The following NCAM2 variants were observed in gnomAD, a reference collection of about 807,000 sequenced individuals.
NCAM2 encodes the protein neural cell adhesion molecule 2, also known as N-CAM-2.
Under a neutral mutation model 98.1 loss-of-function variants are expected in NCAM2, and 30 were observed. The ratio of observed to expected loss-of-function variants is 0.31; its 90% confidence interval spans 0.23 to 0.41. NCAM2 has a LOEUF of 0.41. Among genes scored for constraint, NCAM2 ranks in the 10% least tolerant of loss-of-function variants. The probability of loss-of-function intolerance (pLI) is 1.00; values close to 1 mark genes in which losing one functional copy is unlikely to be tolerated. For synonymous variants in NCAM2, 368 were observed against 342.4 expected (o/e 1.07, Z -0.83); for missense variants, 867 against 1,005.8 (o/e 0.86, Z 1.87).
intron 6 of NCAM2, among the ~76,000 whole-genome samples, chr21:21,328,954 ATT>A (rs1178878212): frequency 1.8e-4 from 25 of 138,370 alleles, no homozygotes; most frequent in African/African-American, 2.4e-4. Context: ...TATAGCATTA[ATT>A]TTTTTTTTTT....
chr21:21,251,965 G>A (rs896717402), intron 1 of NCAM2, among the ~76,000 whole-genome samples: 2 of 152,032 alleles, frequency 1.3e-5, no homozygotes, highest in African/African-American at 4.8e-5. Flanking sequence ...TAATCATGAA[G>A]TCATTGCCTA....
chr21:21,082,597 T>A (rs1483184068), intron 1 of NCAM2, among the ~76,000 whole-genome samples: 1 of 152,204 alleles, frequency 6.6e-6, no homozygotes, highest in Admixed American at 6.5e-5. Flanking sequence ...CATCATTATA[T>A]CATTACTTCC....
chr21:21,531,213 G>A (rs1989674843), intron 16 of NCAM2, among the ~76,000 whole-genome samples: 1 of 151,880 alleles, frequency 6.6e-6, no homozygotes, highest in Non-Finnish European at 1.5e-5. Context: ...TTATTTATAT[G>A]ATGCTATTTA....
chr21:21,495,170 A>T (rs1310468994), intron 15 of NCAM2, among the ~76,000 whole-genome samples: 1 of 151,938 alleles, frequency 6.6e-6, no homozygotes, highest in Admixed American at 6.6e-5. Flanking sequence ...TATATAGAGA[A>T]TAGTTATACA....
intron 8 of NCAM2, among the ~76,000 whole-genome samples, chr21:21,346,725 T>C (rs544329405): frequency 6.6e-6 from 1 of 152,170 alleles, no homozygotes; most frequent in South Asian, 2.1e-4. Flanking sequence ...ATGAGGACTT[T>C]TTGAAAGTAT....
At chr21:21,127,798 T>C (rs1386446111) in intron 1 of NCAM2, among the ~76,000 whole-genome samples, 2 of 152,310 alleles carry the variant, frequency 1.3e-5, no homozygotes, top group Admixed American at 1.3e-4. Context: ...TTTATTTTTA[T>C]GACGAATATT....
intron 9 of NCAM2, among the ~76,000 whole-genome samples, chr21:21,389,618 C>T (rs969216013): frequency 7.9e-5 from 12 of 152,150 alleles, no homozygotes; most frequent in African/African-American, 2.4e-4. Flanking sequence ...CTGGTAACCA[C>T]CATTCTATTC....
intron 14 of NCAM2, among the ~76,000 whole-genome samples, chr21:21,469,278 A>G (rs1239003053): frequency 1.3e-5 from 2 of 152,040 alleles, no homozygotes; most frequent in Non-Finnish European, 2.9e-5. Flanking sequence ...AGCACTATCC[A>G]GTAAGGATGT....
At chr21:21,093,018 A>G (rs1408012343) in intron 1 of NCAM2, among the ~76,000 whole-genome samples, 12 of 144 alleles carry the variant, frequency 0.083, no homozygotes, top group Admixed American at 0.083. Flanking sequence ...ATGAGCTTTC[A>G]TAAACTTTCG....
rs1220624746 is a variant in NCAM2, at chr21:21,541,194, A to G, written c.*3237A>G. The G allele has an allele frequency of 6.6e-6, 1 of 151,514 alleles. No individual in the cohort carries two copies. The highest frequency in any genetic ancestry group is 2.4e-5 in the African/African-American group (1 of 41,362). 9.4% of individuals were successfully genotyped at this position (151,514 alleles called of 1,614,324 possible). A position where few individuals can be genotyped will look rare whatever the true frequency, so the allele number is the denominator to read the frequency against. ...ATCTTTGTTTATGCTTCTTATTTTA[A>G]ATAATTAAGATGTATCTGTGCCTTT... On this transcript the variant is annotated 3_prime_UTR_variant, in exon 18 of 18. Transcript: ENST00000400546.
chr21:21,089,862 C>T (rs1168822593), intron 1 of NCAM2, among the ~76,000 whole-genome samples: 1 of 152,108 alleles, frequency 6.6e-6, no homozygotes, highest in Non-Finnish European at 1.5e-5. Context: ...AACAGCAATT[C>T]CTGGTTTAAA....
rs148532708 is a variant in NCAM2, at chr21:21,414,012, A to T, written c.1383+3551A>T. 3.2e-3 allele frequency among the ~76,000 whole-genome samples: 493 copies of T among 152,328 alleles called. 3 individuals carry two copies. The highest frequency in any genetic ancestry group is 0.011 in the African/African-American group (466 of 41,564). ...AACCCTGTCACCGCTTTATCAACTA[A>T]GTTTATGTAATATTCTAAATCTTTG... On this transcript the variant is annotated intron_variant, in intron 10 of 17. Transcript: ENST00000400546.
At chr21:21,249,162 A>C (rs977473520) in intron 1 of NCAM2, among the ~76,000 whole-genome samples, 1 of 152,198 alleles carries the variant, frequency 6.6e-6, no homozygotes, top group East Asian at 1.9e-4. Flanking sequence ...GATTTTCCCA[A>C]TATCCATGAT....
intron 9 of NCAM2, among the ~76,000 whole-genome samples, chr21:21,394,640 C>A (rs912694600): frequency 6.6e-6 from 1 of 151,614 alleles, no homozygotes; most frequent in Non-Finnish European, 1.5e-5. Context: ...AGGTGCCCGC[C>A]ACCACACCCG....
intron 1 of NCAM2, among the ~76,000 whole-genome samples, chr21:21,214,303 T>A (rs115437852): frequency 6.6e-6 from 1 of 152,178 alleles, no homozygotes; most frequent in South Asian, 2.1e-4. Context: ...TCTGCATTCT[T>A]TAGTAATGTC....
At chr21:21,192,978 ATACTT>A (rs575864223) in intron 1 of NCAM2, among the ~76,000 whole-genome samples, 4 of 152,204 alleles carry the variant, frequency 2.6e-5, no homozygotes, top group Admixed American at 6.5e-5. Flanking sequence ...AGATACAAGA[ATACTT>A]TACACACTTA....
chr21:21,362,016 A>G (rs1315499084), intron 8 of NCAM2, among the ~76,000 whole-genome samples: 2 of 152,194 alleles, frequency 1.3e-5, no homozygotes, highest in Admixed American at 6.5e-5. Context: ...AAATTTTATT[A>G]GCCCTACTTT....
intron 4 of NCAM2, among the ~76,000 whole-genome samples, chr21:21,291,511 GAAATA>G (rs2073293692): frequency 6.6e-6 from 1 of 151,272 alleles, no homozygotes; most frequent in Non-Finnish European, 1.5e-5. Context: ...ATGGAATCTT[GAAATA>G]AAATAACAAA....
At chr21:21,393,633 G>A (rs2076430307) in intron 9 of NCAM2, among the ~76,000 whole-genome samples, 1 of 151,994 alleles carries the variant, frequency 6.6e-6, no homozygotes, top group South Asian at 2.1e-4. Flanking sequence ...GAAAAAACAG[G>A]CATTATATTA....
Sources: gnomAD v4.1 joint callset for allele counts (sites outside exome capture counted in the v4.1 genomes callset) on GRCh38, gnomAD v4.1.1 for gene constraint, MANE v1.5 for transcripts, NCBI Gene and HGNC (gene_info 2026-07-23, HGNC 2026-07-21) for gene names.